The following GSTT4 variants were observed in gnomAD, a reference collection of about 807,000 sequenced individuals.
GSTT4 encodes the protein glutathione S-transferase theta 4, also known as glutathione S-transferase theta-4.
downstream of GSTT4, among the ~76,000 whole-genome samples, chr22:23,997,390 T>TA (rs2034126606): frequency 6.6e-6 from 1 of 151,930 alleles, no homozygotes; most frequent in Non-Finnish European, 1.5e-5. Context: ...CTAATTTTTT[T>TA]AAAAAATATA....
intron 2 of GSTT4, among the ~76,000 whole-genome samples, chr22:24,001,704 G>T (rs879177597): frequency 6.6e-6 from 1 of 152,104 alleles, no homozygotes; most frequent in Non-Finnish European, 1.5e-5. Flanking sequence ...AAACAAAAAC[G>T]GGGGGGCACG....
downstream of GSTT4, among the ~76,000 whole-genome samples, chr22:23,996,986 A>C (rs1191261680): frequency 7.0e-6 from 1 of 142,044 alleles, no homozygotes; most frequent in Non-Finnish European, 1.6e-5. Flanking sequence ...AATTTTTAAA[A>C]ATAATTAATA....
chr22:24,002,273 AAT>A (rs756284769), intron 2 of GSTT4, among the ~76,000 whole-genome samples: 3 of 152,190 alleles, frequency 2.0e-5, no homozygotes, highest in Non-Finnish European at 4.4e-5. Context: ...CAGAATGGAC[AAT>A]GAGGGGGCCA....
downstream of GSTT4, among the ~76,000 whole-genome samples, chr22:23,995,311 G>T (rs1435332570): frequency 6.6e-6 from 1 of 152,144 alleles, no homozygotes; most frequent in African/African-American, 2.4e-5. Flanking sequence ...TTTAAGACAA[G>T]CTTTTGGAAT....
At chr22:24,002,926 A>G (rs927658160) in intron 2 of GSTT4, among the ~76,000 whole-genome samples, 1 of 152,142 alleles carries the variant, frequency 6.6e-6, no homozygotes, top group Non-Finnish European at 1.5e-5. Context: ...AACAGGAGCC[A>G]CATATTAGAT....
At chr22:24,001,352 T>C in intron 2 of GSTT4, 27 bp from the exon 3 acceptor site, 1 of 156,806 alleles carries the variant, frequency 6.4e-6, no homozygotes, top group Non-Finnish European at 1.4e-5. Context: ...TCAGGGGCAC[T>C]GCCCTTGCCT....
At chr22:23,991,097 A>G in the GSTT4 span, among the ~76,000 whole-genome samples, 583 of 64,458 alleles carry the variant, frequency 9.0e-3, no homozygotes, top group Middle Eastern at 0.026. Context: ...AGGATCGCTT[A>G]AGCCTGGAAG....
chr22:24,003,483 A>G (rs567716608), intron 2 of GSTT4, among the ~76,000 whole-genome samples: 4 of 152,396 alleles, frequency 2.6e-5, no homozygotes, highest in South Asian at 2.1e-4. Context: ...TCAAAGTGCT[A>G]GAATTACAGG....
chr22:23,993,369 T>G, the GSTT4 span, among the ~76,000 whole-genome samples: 3 of 152,190 alleles, frequency 2.0e-5, no homozygotes, highest in Non-Finnish European at 4.4e-5. Context: ...AGCCTCAAAC[T>G]GTGGTCATTA....
the GSTT4 span, among the ~76,000 whole-genome samples, chr22:23,993,252 G>A: frequency 1.3e-5 from 2 of 152,072 alleles, no homozygotes; most frequent in South Asian, 4.1e-4. Context: ...TTTTAGAGAC[G>A]AGGTCCTGCT....
At chr22:23,989,736 C>T in the GSTT4 span, among the ~76,000 whole-genome samples, 1 of 150,900 alleles carries the variant, frequency 6.6e-6, no homozygotes, top group East Asian at 2.0e-4. Context: ...AAGGCTCCCT[C>T]CCCACTGGGG....
At chr22:23,990,470 A>G in the GSTT4 span, among the ~76,000 whole-genome samples, 6 of 90,152 alleles carry the variant, frequency 6.7e-5, 3 homozygotes, top group East Asian at 5.2e-4. Flanking sequence ...AAAAAAAAAA[A>G]AAGTAGCTGG....
At chr22:23,993,163 TG>T in the GSTT4 span, among the ~76,000 whole-genome samples, 15 of 152,220 alleles carry the variant, frequency 9.9e-5, no homozygotes, top group African/African-American at 3.6e-4. Flanking sequence ...TTTTCTCCAT[TG>T]AAGACATATG....
At chr22:23,991,648 C>T in the GSTT4 span, among the ~76,000 whole-genome samples, 5 of 122,418 alleles carry the variant, frequency 4.1e-5, no homozygotes, top group East Asian at 2.2e-4. Flanking sequence ...AGTCCGGCCA[C>T]GCCCTCTTCA....
chr22:23,997,043 T>G (rs1298157949), downstream of GSTT4, among the ~76,000 whole-genome samples: 1 of 152,084 alleles, frequency 6.6e-6, no homozygotes, highest in Non-Finnish European at 1.5e-5. Flanking sequence ...TTTATCTTTC[T>G]TCTTAAGTCA....
chr22:23,998,148 C>T (rs370918605), downstream of GSTT4, among the ~76,000 whole-genome samples: 2,488 of 152,136 alleles, frequency 0.016, 10 homozygotes, highest in African/African-American at 0.057. Context: ...TCGGGTGGAA[C>T]GTTCTGTTCA....
At chr22:23,992,002 G>A in the GSTT4 span, among the ~76,000 whole-genome samples, 11 of 135,262 alleles carry the variant, frequency 8.1e-5, no homozygotes, top group African/African-American at 2.6e-4. Context: ...GCAGTGAGCC[G>A]AGCTCACGCC....
chr22:24,004,610 C>G (rs1387765952), intron 1 of GSTT4: 1 of 153,060 alleles, frequency 6.5e-6, no homozygotes, highest in Non-Finnish European at 1.5e-5. Flanking sequence ...CCCCCTTTGC[C>G]AACCTGGTGG....
downstream of GSTT4, among the ~76,000 whole-genome samples, chr22:23,997,200 A>T (rs1403311414): frequency 2.0e-5 from 3 of 151,516 alleles, no homozygotes; most frequent in Admixed American, 6.6e-5. Context: ...TCTGGTTTCC[A>T]TTTCATTTTT....
Sources: allele counts gnomAD v4.1 joint callset (sites outside exome capture counted in the v4.1 genomes callset), GRCh38; gene constraint gnomAD v4.1.1; transcripts MANE v1.5; gene names NCBI Gene and HGNC (gene_info 2026-07-23, HGNC 2026-07-21).